Variants in ASPH observed in about 807,000 individuals in gnomAD.
ASPH encodes the protein aspartyl/asparaginyl beta-hydroxylase.
In ASPH, 100 loss-of-function variants were observed where a neutral mutation model predicts 118.4. The ratio of observed to expected loss-of-function variants is 0.84; its 90% CI spans 0.72 to 1.00. The LOEUF (loss-of-function observed/expected upper bound fraction) is 1.00. ASPH is among the 50% of genes least tolerant of loss of function. The pLI, the probability that ASPH is intolerant of heterozygous loss-of-function variation, is 0.00. For synonymous variants in ASPH, 315 were observed against 325.6 expected, an observed-to-expected ratio of 0.97 and a Z score of 0.35; for missense variants, 920 against 919.5, an observed-to-expected ratio of 1.00 and a Z score of -0.01.
chr8:61,576,991 C>A, intron 15 of ASPH, 133 bp from the exon 16 acceptor site: 1 of 673,050 alleles, frequency 1.5e-6, no homozygotes, highest in Non-Finnish European at 2.3e-6. Flanking sequence ...ATAGTTTTAT[C>A]TAAGATTTTA....
At chr8:61,522,346 AG>A (rs1813427375) in intron 22 of ASPH, among the ~76,000 whole-genome samples, 1 of 152,142 alleles carries the variant, frequency 6.6e-6, no homozygotes, top group Admixed American at 6.5e-5. Context: ...ACAGTTCTGG[AG>A]GCTGAAAGTC....
chr8:61,612,374 GTTT>G (rs34515068), intron 14 of ASPH, among the ~76,000 whole-genome samples: 5 of 137,972 alleles, frequency 3.6e-5, no homozygotes, highest in Admixed American at 7.3e-5. Context: ...AATGAACAAA[GTTT>G]TTTTTTTTTT....
At chr8:61,625,650 T>G (rs1481385260) in intron 13 of ASPH, 1 of 980,806 alleles carries the variant, frequency 1.0e-6, no homozygotes, top group Non-Finnish European at 1.2e-6. Flanking sequence ...TATTAAATTT[T>G]TCTAATTAAT....
At chr8:61,524,564 T>C (rs1477794955) in intron 22 of ASPH, among the ~76,000 whole-genome samples, 2 of 152,148 alleles carry the variant, frequency 1.3e-5, no homozygotes, top group Non-Finnish European at 2.9e-5. Flanking sequence ...TTAACAAAGA[T>C]ACTAAGAAAG....
intron 3 of ASPH, chr8:61,656,675 T>A (rs1407441788): frequency 6.6e-6 from 1 of 152,214 alleles, no homozygotes. Context: ...TTGGTTTTAG[T>A]TCTTTAGGTT....
At chr8:61,673,081 T>G (rs1823418338) in intron 3 of ASPH, among the ~76,000 whole-genome samples, 1 of 152,172 alleles carries the variant, frequency 6.6e-6, no homozygotes, top group Middle Eastern at 3.4e-3. Context: ...TAAAAATAAT[T>G]CAAACAGAAA....
At chr8:61,517,917 C>T in intron 23 of ASPH, 115 bp downstream of exon 23, 1 of 1,180,830 alleles carries the variant, frequency 8.5e-7, no homozygotes, top group Non-Finnish European at 1.2e-6. Context: ...GTAAAAAGGG[C>T]ATGTAAAAAG....
At chr8:61,657,112 AC>A (rs1235529900) in intron 3 of ASPH, 1 of 152,248 alleles carries the variant, frequency 6.6e-6, no homozygotes, top group African/African-American at 2.4e-5. Flanking sequence ...CGGGGAAGAC[AC>A]AGAACAGGGA....
chr8:61,658,226 T>C (rs1158056773), intron 3 of ASPH: 1 of 152,222 alleles, frequency 6.6e-6, no homozygotes, highest in Non-Finnish European at 1.5e-5. Flanking sequence ...ACCAAAATTC[T>C]GAGACTACCA....
At chr8:61,534,879 C>T (rs867408954) in intron 21 of ASPH, among the ~76,000 whole-genome samples, 11 of 152,356 alleles carry the variant, frequency 7.2e-5, no homozygotes, top group Middle Eastern at 3.4e-3. Context: ...ACAGAAATTT[C>T]TGTTCTCACA....
At chr8:61,599,236 C>A (rs1843243126) in intron 14 of ASPH, among the ~76,000 whole-genome samples, 1 of 151,778 alleles carries the variant, frequency 6.6e-6, no homozygotes, top group African/African-American at 2.4e-5. Flanking sequence ...AACCAAACAA[C>A]ACATGTTCTC....
intron 3 of ASPH, chr8:61,664,824 G>A: frequency 1.0e-6 from 1 of 988,922 alleles, no homozygotes; most frequent in Non-Finnish European, 1.2e-6. Flanking sequence ...GAAGCAGGAA[G>A]GGGAAGGAGG....
At chr8:61,693,893 C>T (rs1451214034) in intron 1 of ASPH, among the ~76,000 whole-genome samples, 1 of 152,166 alleles carries the variant, frequency 6.6e-6, no homozygotes, top group South Asian at 2.1e-4. Context: ...CGTGGACTGC[C>T]GTGACTGCCT....
intron 3 of ASPH, among the ~76,000 whole-genome samples, chr8:61,676,696 A>T (rs986952538): frequency 1.3e-5 from 2 of 151,882 alleles, no homozygotes; most frequent in Non-Finnish European, 2.9e-5. Context: ...AAAGATATAT[A>T]CTCTGACAAC....
chr8:61,681,089 A>G, intron 2 of ASPH, 53 bp from the exon 3 acceptor site: 1 of 1,416,952 alleles, frequency 7.1e-7, no homozygotes, highest in Admixed American at 2.1e-5. Flanking sequence ...AAGAAATTTA[A>G]TAAGGTATTA....
chr8:61,625,680 T>C, intron 13 of ASPH: 1 of 984,920 alleles, frequency 1.0e-6, no homozygotes, highest in Non-Finnish European at 1.2e-6. Context: ...GCTACAAAAA[T>C]TTCAAAAGTG....
At chr8:61,665,049 C>T (rs922194283) in intron 3 of ASPH, 2 of 1,301,632 alleles carry the variant, frequency 1.5e-6, no homozygotes, top group African/African-American at 3.1e-5. Context: ...TATTCTATGA[C>T]ATTTTTAAAA....
chr8:61,601,359 C>T (rs149939055), intron 14 of ASPH, among the ~76,000 whole-genome samples: 2,178 of 150,932 alleles, frequency 0.014, 33 homozygotes, highest in Non-Finnish European at 0.023. Flanking sequence ...TGGCCAACAT[C>T]GTGAAACCTC....
intron 24 of ASPH, among the ~76,000 whole-genome samples, chr8:61,509,642 G>A (rs1231240192): frequency 1.3e-5 from 2 of 152,146 alleles, no homozygotes; most frequent in Admixed American, 6.5e-5. Context: ...CAGCCCAGTA[G>A]GTCTCAGCCT....
Sources: allele counts gnomAD v4.1 joint callset (sites outside exome capture counted in the v4.1 genomes callset), GRCh38; gene constraint gnomAD v4.1.1; transcripts MANE v1.5; gene names NCBI Gene and HGNC (gene_info 2026-07-23, HGNC 2026-07-21).